DOCK3: variants seen among roughly 807,000 people sequenced by gnomAD.
DOCK3 encodes dedicator of cytokinesis 3, also known as dedicator of cytokinesis protein 3.
DOCK3 carries 60 observed loss-of-function variants against 265.6 expected under a neutral mutation model. The observed-to-expected ratio is 0.23, with a 90% CI of 0.18 to 0.28. The LOEUF (loss-of-function observed/expected upper bound fraction) is 0.28. Ranked by LOEUF, DOCK3 falls within the 10% of genes least tolerant of loss-of-function variation. DOCK3 has a pLI of 1.00. For missense variants in DOCK3, 1,981 were observed against 2,594.3 expected (o/e 0.76, Z 5.14); for synonymous variants, 881 against 938.0 (o/e 0.94, Z 1.11).
At chr3:50,904,019 G>GT (rs1310289695) in intron 4 of DOCK3, among the ~76,000 whole-genome samples, 1 of 152,026 alleles carries the variant, frequency 6.6e-6, no homozygotes, top group African/African-American at 2.4e-5. Context: ...GTGGTGTTTG[G>GT]TTTTTTGTCC....
intron 5 of DOCK3, among the ~76,000 whole-genome samples, chr3:51,032,035 G>T (rs930542122): frequency 6.6e-6 from 1 of 151,916 alleles, no homozygotes; most frequent in Non-Finnish European, 1.5e-5. Flanking sequence ...TTACAGCTGC[G>T]CAAATTAAAT....
chr3:50,799,383 ATTTCT>A (rs1174730019), intron 2 of DOCK3, among the ~76,000 whole-genome samples: 1 of 151,574 alleles, frequency 6.6e-6, no homozygotes, highest in Non-Finnish European at 1.5e-5. Flanking sequence ...GTCCTCTTCG[ATTTCT>A]TTTATCAGTG....
In DOCK3 at chr3:51,067,427, T is replaced by TTGTGTGTGTGTGTG. The variant is rs60551624; in HGVS notation, c.464+2848_464+2861dup. ...ATGACTTTTTCTCAATGAAATATGT[T>TTGTGTGTGTGTGTG]TGTGTGTGTGTGTGTGTGTGTGTGT... On this transcript the variant is annotated intron_variant, in intron 6 of 52. Transcript: ENST00000266037. Among the ~76,000 whole-genome samples the TTGTGTGTGTGTGTG allele has an allele frequency of 7.2e-3, 1,037 of 144,180 alleles. 9 individuals are homozygous for TTGTGTGTGTGTGTG. Among genetic ancestry groups the TTGTGTGTGTGTGTG allele is most frequent in the East Asian group, 0.04 (196 of 4,860 alleles). The allele number at this position is 144,180 out of a possible 152,430, so 94.6% of individuals were successfully genotyped here.
intron 4 of DOCK3, among the ~76,000 whole-genome samples, chr3:50,892,745 C>T (rs1324461696): frequency 2.0e-5 from 3 of 152,034 alleles, no homozygotes; most frequent in African/African-American, 7.2e-5. Flanking sequence ...AAGTGCACAA[C>T]CCTAAGATTT....
intron 7 of DOCK3, among the ~76,000 whole-genome samples, chr3:51,087,985 T>C (rs933847873): frequency 2.2e-4 from 34 of 152,296 alleles, no homozygotes; most frequent in Non-Finnish European, 2.9e-4. Flanking sequence ...ATAGCCAAGA[T>C]ATAGAATTAA....
chr3:51,250,289 AAAAAAAAT>A (rs1560285822), intron 22 of DOCK3, among the ~76,000 whole-genome samples: 2 of 50,296 alleles, frequency 4.0e-5, no homozygotes, highest in East Asian at 3.2e-4. Flanking sequence ...AAAAAAAATT[AAAAAAAAT>A]AATAAAAAAT....
intron 9 of DOCK3, among the ~76,000 whole-genome samples, chr3:51,122,875 A>G (rs1315441236): frequency 1.3e-5 from 2 of 152,168 alleles, no homozygotes; most frequent in Admixed American, 1.3e-4. Flanking sequence ...GGACACTTTG[A>G]TACTCTCTCC....
chr3:50,906,451 C>T (rs1043664208), intron 4 of DOCK3, among the ~76,000 whole-genome samples: 3 of 151,800 alleles, frequency 2.0e-5, no homozygotes, highest in Non-Finnish European at 4.4e-5. Context: ...GCCTGTTATT[C>T]GTCTATTCAG....
rs1293084220 is a variant in DOCK3 at position 51,361,071 on chromosome 3, G to A, written c.5006+439G>A. 6.6e-6 allele frequency among the ~76,000 whole-genome samples: 1 copy of A among 152,164 alleles called. No homozygotes were observed. The highest frequency in any genetic ancestry group is 1.5e-5 in the Non-Finnish European group (1 of 68,040). The stretch of plus-strand genomic sequence containing the variant: ...GCTCTGAGTGGGCCTTGTTCATGCA[G>A]GCCTTTGGACTTGATCCCAAGGAGA... On this transcript the variant is annotated intron_variant, in intron 47 of 52. Coordinates refer to ENST00000266037, the MANE Select transcript of DOCK3 (RefSeq NM_004947.5). This position sits in a 1 kb window ranked among gnomAD's most constrained non-coding sequence, Gnocchi z 4.2.
intron 9 of DOCK3, among the ~76,000 whole-genome samples, chr3:51,092,171 C>T (rs2082663146): frequency 6.6e-6 from 1 of 152,156 alleles, no homozygotes; most frequent in Non-Finnish European, 1.5e-5. Flanking sequence ...ACTGTTCACT[C>T]CTCTGGAAAG....
At chr3:50,976,118 A>G (rs1293800622) in intron 5 of DOCK3, among the ~76,000 whole-genome samples, 40 of 145,490 alleles carry the variant, frequency 2.7e-4, no homozygotes, top group African/African-American at 1.0e-3. Context: ...AATTTTTTGA[A>G]GGGTTTTTTG....
At chr3:50,914,777 G>A (rs1266978710) in intron 4 of DOCK3, among the ~76,000 whole-genome samples, 1 of 152,080 alleles carries the variant, frequency 6.6e-6, no homozygotes, top group African/African-American at 2.4e-5. Context: ...GTCTAATGCC[G>A]ATAGTAGGGT....
chr3:51,055,840 A>T (rs2109172224), intron 5 of DOCK3, among the ~76,000 whole-genome samples: 1 of 152,324 alleles, frequency 6.6e-6, no homozygotes, highest in South Asian at 2.1e-4. Flanking sequence ...TACAAATCTT[A>T]GCTCTCCTGC....
At chr3:50,799,442 A>T (rs1433128475) in intron 2 of DOCK3, among the ~76,000 whole-genome samples, 2 of 151,618 alleles carry the variant, frequency 1.3e-5, no homozygotes, top group Non-Finnish European at 2.9e-5. Context: ...CCTTGGTTAG[A>T]TTTATTCTTA....
At chr3:51,282,039 T>C (rs1477488023) in intron 27 of DOCK3, among the ~76,000 whole-genome samples, 1 of 152,218 alleles carries the variant, frequency 6.6e-6, no homozygotes, top group Non-Finnish European at 1.5e-5. Context: ...CCTGATGCAT[T>C]CACCCTACTG....
chr3:51,178,635 T>C (rs2087108146), intron 12 of DOCK3, among the ~76,000 whole-genome samples: 1 of 152,196 alleles, frequency 6.6e-6, no homozygotes, highest in Non-Finnish European at 1.5e-5. Context: ...AGCCCATTTT[T>C]TTTCTTCACA....
intron 1 of DOCK3, among the ~76,000 whole-genome samples, chr3:50,687,168 A>G (rs1329975581): frequency 6.6e-6 from 1 of 152,014 alleles, no homozygotes; most frequent in Non-Finnish European, 1.5e-5. Context: ...GTGGGCTGAG[A>G]TCATGCCACT....
chr3:50,713,659 TTG>T (rs1334967295), intron 1 of DOCK3, among the ~76,000 whole-genome samples: 1 of 151,542 alleles, frequency 6.6e-6, no homozygotes, highest in African/African-American at 2.4e-5. Flanking sequence ...TATATATTTT[TTG>T]TTTGTTTGTT....
chr3:51,159,929 T>C (rs2086049704), intron 11 of DOCK3, among the ~76,000 whole-genome samples: 1 of 152,248 alleles, frequency 6.6e-6, no homozygotes, highest in Non-Finnish European at 1.5e-5. Flanking sequence ...TACATTTTTA[T>C]CAAAGAATAT....
Sources: allele counts gnomAD v4.1 joint callset (sites outside exome capture counted in the v4.1 genomes callset), GRCh38; gene constraint gnomAD v4.1.1; non-coding constraint Gnocchi (gnomAD v3.1); transcripts MANE v1.5; gene names NCBI Gene and HGNC (gene_info 2026-07-23, HGNC 2026-07-21).